Variants in TJAP1 observed in about 807,000 individuals in gnomAD.
TJAP1 encodes tight junction associated protein 1.
A neutral mutation model predicts 42.0 loss-of-function variants in TJAP1; 27 were observed. That is an observed-to-expected ratio of 0.64 (90% CI 0.47 to 0.89). The LOEUF is 0.89. Ranked by LOEUF, TJAP1 falls within the 40% of genes least tolerant of loss-of-function variation. TJAP1 has a pLI of 0.00. For synonymous variants in TJAP1, 257 were observed against 288.4 expected (o/e 0.89, Z 1.10); for missense variants, 712 against 726.9 (o/e 0.98, Z 0.24).
intron 8 of TJAP1, 168 bp downstream of exon 8, chr6:43,502,785 G>GCAT: frequency 2.5e-6 from 2 of 791,418 alleles, no homozygotes; most frequent in Non-Finnish European, 4.3e-6. Context: ...CAGGAGAGAG[G>GCAT]TGGGGAGCCT....
chr6:43,503,618 T>C lies in TJAP1; in HGVS notation c.496-5T>C, dbSNP rs745380666. On this transcript the variant is annotated splice_region_variant and splice_polypyrimidine_tract_variant and intron_variant, in intron 9 of 10. Transcript: ENST00000372449. ...CTGGGCTCTGAAACAGGTCTGTGTC[T>C]GTAGGAGCGGTACCGGCTGGACTGC... 3 of 1,614,026 alleles carry C rather than the reference T, an allele frequency of 1.9e-6. No homozygotes were observed. In the African/African-American group the frequency reaches 4.0e-5, roughly 22 times the overall value.
chr6:43,503,222 G>A, intron 8 of TJAP1, 179 bp from the exon 9 acceptor site: 1 of 607,064 alleles, frequency 1.6e-6, no homozygotes, highest in South Asian at 2.0e-5. Flanking sequence ...CCCACAGCCA[G>A]TCCAGAGAGC....
intron 6 of TJAP1, among the ~76,000 whole-genome samples, chr6:43,502,043 C>CGG (rs1426179685): frequency 3.2e-4 from 37 of 117,106 alleles, no homozygotes; most frequent in Non-Finnish European, 6.0e-4. Context: ...TGTGGGAATG[C>CGG]GGGGACACAC....
chr6:43,492,843 T>G lies in TJAP1; in HGVS notation c.-121-5038T>G, dbSNP rs1788113611. 6.6e-6 allele frequency among the ~76,000 whole-genome samples: 1 copy of G among 152,122 alleles called. No individual in the cohort carries two copies. The highest frequency in any genetic ancestry group is 1.5e-5 in the Non-Finnish European group (1 of 68,016). On this transcript the variant is annotated intron_variant, in intron 2 of 10. Transcript: ENST00000372449. The surrounding 1 kb of genome is among the most constrained non-coding windows in gnomAD (Gnocchi z 4.2). ...GAGGCTTGAGAAGCGGCCAGACTTG[T>G]GTGGCGGGAGTGTAGCTGACCCCCA...
intron 8 of TJAP1, chr6:43,502,844 C>T: frequency 1.7e-6 from 1 of 605,702 alleles, no homozygotes; most frequent in Non-Finnish European, 2.9e-6. Flanking sequence ...GATGTCTCCA[C>T]TGAACACCCA....
chr6:43,501,885 G>T (rs1165348397), intron 6 of TJAP1, among the ~76,000 whole-genome samples, 198 bp downstream of exon 6: 1 of 119,272 alleles, frequency 8.4e-6, no homozygotes, highest in African/African-American at 3.4e-5. Flanking sequence ...GTGTGGGAAT[G>T]CGGGGCCACA....
intron 2 of TJAP1, among the ~76,000 whole-genome samples, chr6:43,484,327 C>T (rs1368175489): frequency 5.9e-5 from 9 of 151,970 alleles, no homozygotes; most frequent in African/African-American, 2.2e-4. Flanking sequence ...GGCATGGTGG[C>T]AGGCACCTGT....
Position 43,504,977 on chromosome 6 carries a change from ATGAG to A in TJAP1, c.801_804del (p.Ser267ArgfsTer46). On this transcript the variant is annotated frameshift_variant, in exon 11 of 11. Coordinates refer to ENST00000372449, the Ensembl canonical transcript of TJAP1. LOFTEE classifies it high-confidence loss of function. ...TGAGGATGTCTTTGTGCATGTGGAC[ATGAG>A]TGAGGGTGTCCCAGGTGATCCAGCC... 3 of 1,614,094 alleles carry A rather than the reference ATGAG, an allele frequency of 1.9e-6. No homozygotes were observed. Among genetic ancestry groups the A allele is most frequent in the Non-Finnish European group, 2.5e-6 (3 of 1,180,000 alleles).
chr6:43,478,730 T>C (rs1465554077), intron 2 of TJAP1: 2 of 152,240 alleles, frequency 1.3e-5, no homozygotes, highest in Non-Finnish European at 2.9e-5. Flanking sequence ...TAAGAAGGGC[T>C]CATTAGTGTT....
In TJAP1 at chr6:43,499,065, CGTTT is replaced by C; in HGVS notation, c.66_69del (p.Leu23LysfsTer13). Reference sequence around the variant, plus strand: ...GGCACCACCAGAGCATCGGGAGCTGCGTTTGGAAATTCCTGGATCCCGGCTTGAG... The same window carrying C: ...GGCACCACCAGAGCATCGGGAGCTGCGGAAATTCCTGGATCCCGGCTTGAG... On this transcript the variant is annotated frameshift_variant, in exon 4 of 11. Coordinates refer to ENST00000372449, the Ensembl canonical transcript of TJAP1. LOFTEE classifies it high-confidence loss of function. The C allele has an allele frequency of 6.2e-7, 1 of 1,614,046 alleles. No individual in the cohort carries two copies. The highest frequency in any genetic ancestry group is 8.5e-7 in the Non-Finnish European group (1 of 1,179,996).
chr6:43,492,910 C>T lies in TJAP1; in HGVS notation c.-121-4971C>T, dbSNP rs1474682552. 2.6e-5 allele frequency among the ~76,000 whole-genome samples: 4 copies of T among 152,194 alleles called. No homozygotes were observed. The highest frequency in any genetic ancestry group is 5.9e-5 in the Non-Finnish European group (4 of 68,030). ...CACAGGCTTGCAGACTTCAGAGACT[C>T]CACATCCAGCACTTACAGCTCAGGA... On this transcript the variant is annotated intron_variant, in intron 2 of 10. Coordinates refer to ENST00000372449, the Ensembl canonical transcript of TJAP1. The surrounding 1 kb of genome is among the most constrained non-coding windows in gnomAD (Gnocchi z 4.2).
At chr6:43,494,648 C>CTTTTT (rs775378416) in intron 2 of TJAP1, among the ~76,000 whole-genome samples, 4 of 114,400 alleles carry the variant, frequency 3.5e-5, no homozygotes, top group African/African-American at 4.3e-5. Flanking sequence ...TGTTGATTTC[C>CTTTTT]TTTTTTTTTT....
At position 43,502,353 on chromosome 6, in the gene TJAP1, ATCTG is replaced by A. The variant is rs773549619; in HGVS notation, c.357+9_357+12del. On this transcript the variant is annotated splice_donor_5th_base_variant and intron_variant, in intron 7 of 10. Coordinates refer to ENST00000372449, the Ensembl canonical transcript of TJAP1. ...GGAGGACAAGCTGCACACACTGGTA[ATCTG>A]TCTGGGAGGGCAGCTTGGTGGGCAC... 9 of 1,613,312 alleles carry A rather than the reference ATCTG, an allele frequency of 5.6e-6. No homozygotes were observed. The highest frequency in any genetic ancestry group is 6.8e-6 in the Non-Finnish European group (8 of 1,179,916).
chr6:43,503,329 A>G (rs1582117291), intron 8 of TJAP1, 72 bp from the exon 9 acceptor site: 1 of 1,198,340 alleles, frequency 8.3e-7, no homozygotes, highest in African/African-American at 1.5e-5. Context: ...TGTCTCCAGG[A>G]TGGGAGGAGG....
chr6:43,481,124 T>G (rs78220268), intron 2 of TJAP1, among the ~76,000 whole-genome samples: 1 of 152,200 alleles, frequency 6.6e-6, no homozygotes, highest in Non-Finnish European at 1.5e-5. Flanking sequence ...GAATTTTTTT[T>G]GATTATTTAA....
chr6:43,503,355 G>C, intron 8 of TJAP1, 46 bp from the exon 9 acceptor site: 1 of 1,487,230 alleles, frequency 6.7e-7, no homozygotes, highest in South Asian at 1.1e-5. Flanking sequence ...GGAGAGGAAG[G>C]GCTGGCTAGA....
chr6:43,505,552 C>T lies in TJAP1; in HGVS notation c.1371C>T (p.Val457=), dbSNP rs1165895897. The T allele has an allele frequency of 6.2e-7, 1 of 1,613,732 alleles. No homozygotes were observed. Among genetic ancestry groups the T allele is most frequent in the Non-Finnish European group, 8.5e-7 (1 of 1,180,036 alleles). Residue 457 remains valine (V), a synonymous_variant, in exon 11 of 11, where the codon GTC becomes GTT. Transcript: ENST00000372449. This position sits in a 1 kb window ranked among gnomAD's most constrained non-coding sequence, Gnocchi z 5.5. ...GCCCCGCTGACAGAGATGAGGTGGT[C>T]CAGGCACCTTCTGCCCGACCCGAAG...
chr6:43,500,563 GTAGTCGAGGC>G (rs1790295756), intron 4 of TJAP1, 171 bp from the exon 5 acceptor site: 2 of 617,200 alleles, frequency 3.2e-6, no homozygotes, highest in Middle Eastern at 4.4e-4. Context: ...ATGGGAGAGG[GTAGTCGAGGC>G]TTGTCCCAGC....
At position 43,505,729 on chromosome 6, in the gene TJAP1, G is replaced by C. The variant is rs1792220813; in HGVS notation, c.1548G>C (p.Glu516Asp). The change falls in exon 11 of 11, where the codon GAG becomes GAC. Residue 516 changes from glutamate (E) to aspartate (D), a missense_variant. By Grantham distance (45) the Glu-to-Asp change is conservative. This residue lies in a region of TJAP1 where 549 missense variants were observed against 528.2 expected (regional missense o/e 1.04). Coordinates refer to ENST00000372449, the Ensembl canonical transcript of TJAP1. This position sits in a 1 kb window ranked among gnomAD's most constrained non-coding sequence, Gnocchi z 5.5. ...AGGGGCCAGGCACTTCCCACACCGA[G>C]GGCAGGGCCTGGCCACTCCCCAGCT... 6.4e-7 allele frequency: 1 copy of C among 1,555,166 alleles called. No individual in the cohort carries two copies. The highest frequency in any genetic ancestry group is 1.2e-5 in the South Asian group (1 of 82,258).
Sources: gnomAD v4.1 joint callset for allele counts (sites outside exome capture counted in the v4.1 genomes callset) on GRCh38, gnomAD v4.1.1 for gene constraint, gnomAD v4.1.1 regional missense constraint, Gnocchi (gnomAD v3.1) non-coding constraint, MANE v1.5 for transcripts, NCBI Gene and HGNC (gene_info 2026-07-23, HGNC 2026-07-21) for gene names.